The following GRK3 variants were observed in gnomAD, a reference collection of about 807,000 sequenced individuals.
GRK3 encodes the protein G protein-coupled receptor kinase 3.
A neutral mutation model predicts 95.7 loss-of-function variants in GRK3; 54 were observed. That is an observed-to-expected ratio of 0.56 (90% CI 0.45 to 0.71). The LOEUF is 0.71. Among genes scored for constraint, GRK3 ranks in the 30% least tolerant of loss-of-function variants. The pLI, the probability that GRK3 is intolerant of heterozygous loss-of-function variation, is 0.00. For missense variants in GRK3, 649 were observed against 851.2 expected, an observed-to-expected ratio of 0.76 and a Z score of 2.96; for synonymous variants, 281 against 290.8, an observed-to-expected ratio of 0.97 and a Z score of 0.34.
chr22:25,707,584 C>A (rs1756385003), intron 15 of GRK3, among the ~76,000 whole-genome samples: 1 of 152,024 alleles, frequency 6.6e-6, no homozygotes, highest in African/African-American at 2.4e-5. Context: ...CGAGGTGCCA[C>A]CTTATGAAGA....
intron 2 of GRK3, among the ~76,000 whole-genome samples, chr22:25,620,006 T>TTTTTTTTG (rs144086816): frequency 2.8e-4 from 25 of 90,320 alleles, no homozygotes; most frequent in African/African-American, 1.2e-3. Flanking sequence ...TTTGTCTTTT[T>TTTTTTTTG]TGTGTGTGTG....
intron 9 of GRK3, among the ~76,000 whole-genome samples, chr22:25,681,512 G>A (rs542036075): frequency 2.6e-5 from 4 of 152,122 alleles, no homozygotes; most frequent in Admixed American, 2.6e-4. Context: ...GGGGGGAGTC[G>A]TGCAAGACAA....
intron 13 of GRK3, among the ~76,000 whole-genome samples, chr22:25,700,093 C>T (rs1367348473): frequency 6.6e-6 from 1 of 152,220 alleles, no homozygotes; most frequent in African/African-American, 2.4e-5. Context: ...GTCTTTATCC[C>T]CTACAAGAAT....
At chr22:25,693,818 C>T (rs1244249379) in intron 12 of GRK3, among the ~76,000 whole-genome samples, 4 of 122,188 alleles carry the variant, frequency 3.3e-5, no homozygotes, top group Non-Finnish European at 6.6e-5. Context: ...TCACTCTTGT[C>T]GCCCAGGCTG....
At chr22:25,650,103 T>C (rs1427519914) in intron 3 of GRK3, among the ~76,000 whole-genome samples, 2 of 152,078 alleles carry the variant, frequency 1.3e-5, no homozygotes, top group African/African-American at 4.8e-5. Context: ...GTGATTCTCC[T>C]GCCTCAGCCT....
At chr22:25,688,056 G>A (rs984303282) in intron 11 of GRK3, among the ~76,000 whole-genome samples, 36 of 152,034 alleles carry the variant, frequency 2.4e-4, no homozygotes, top group Admixed American at 7.2e-4. Context: ...CTAACACAGT[G>A]AAACCCCGTC....
At chr22:25,588,184 T>C (rs970897202) in intron 1 of GRK3, among the ~76,000 whole-genome samples, 4 of 151,730 alleles carry the variant, frequency 2.6e-5, no homozygotes, top group Non-Finnish European at 5.9e-5. Context: ...TAAATTTATT[T>C]GTCATTCAGC....
intron 2 of GRK3, among the ~76,000 whole-genome samples, chr22:25,612,870 G>C (rs1373852104): frequency 6.7e-6 from 1 of 150,084 alleles, no homozygotes; most frequent in Admixed American, 6.6e-5. Context: ...AAAAATCTGA[G>C]CAGTTTCTAT....
At chr22:25,664,062 G>C (rs570796493) in intron 5 of GRK3, among the ~76,000 whole-genome samples, 1 of 152,304 alleles carries the variant, frequency 6.6e-6, no homozygotes, top group South Asian at 2.1e-4. Context: ...GTAGTGCCAG[G>C]CTGTTGATAC....
intron 9 of GRK3, among the ~76,000 whole-genome samples, chr22:25,679,852 G>A (rs186298676): frequency 3.9e-5 from 6 of 152,282 alleles, no homozygotes; most frequent in Admixed American, 3.9e-4. Flanking sequence ...TGAGAAATGT[G>A]CGAGACTTCT....
Position 25,564,788 on chromosome 22 carries a change from G to A in GRK3, c.-253G>A, listed in dbSNP as rs1931373421. On this transcript the variant is annotated 5_prime_UTR_variant, in exon 1 of 21. Transcript: ENST00000324198. ...TCGCTGAAGGAGCAGGGGGCGGCGCGCGTGCGCGGGGCGCCGGGCGGCGCG... is the reference window on the plus strand; with the variant it reads ...TCGCTGAAGGAGCAGGGGGCGGCGCACGTGCGCGGGGCGCCGGGCGGCGCG... 6.7e-6 allele frequency: 1 copy of A among 149,316 alleles called. No homozygotes were observed. The highest frequency in any genetic ancestry group is 1.5e-5 in the Non-Finnish European group (1 of 67,046). The allele number at this position is 149,316 out of a possible 1,614,324, so 9.2% of individuals were successfully genotyped here.
intron 6 of GRK3, among the ~76,000 whole-genome samples, chr22:25,670,788 T>C (rs2084974533): frequency 6.7e-6 from 1 of 148,846 alleles, no homozygotes; most frequent in Non-Finnish European, 1.5e-5. Flanking sequence ...GGAGGGTGGC[T>C]CACGCCTGTA....
At chr22:25,625,481 C>T (rs1198095755) in intron 2 of GRK3, among the ~76,000 whole-genome samples, 1 of 152,202 alleles carries the variant, frequency 6.6e-6, no homozygotes, top group African/African-American at 2.4e-5. Context: ...ATGCCCGTTG[C>T]CAGGCGGACC....
At chr22:25,683,404 A>G (rs943658507) in intron 9 of GRK3, among the ~76,000 whole-genome samples, 2 of 152,224 alleles carry the variant, frequency 1.3e-5, no homozygotes, top group African/African-American at 2.4e-5. Context: ...TGAAATCACT[A>G]TGTCAGAAAG....
In GRK3 at chr22:25,725,541, A is replaced by C. The variant is rs1244432693; in HGVS notation, c.*3091A>C. 1.5e-5 allele frequency: 6 copies of C among 398,352 alleles called. No homozygotes were observed. In the East Asian group the frequency reaches 2.1e-4, roughly 14 times the overall value. 24.7% of individuals were successfully genotyped at this position (398,352 alleles called of 1,614,324 possible). A position where few individuals can be genotyped will look rare whatever the true frequency, so the allele number is the denominator to read the frequency against. ...TCCTTCTTTGTCATATTTAAGTATGATTTTTCAACAAAACTTCTAGAAGTC... is the reference window on the plus strand; with the variant it reads ...TCCTTCTTTGTCATATTTAAGTATGCTTTTTCAACAAAACTTCTAGAAGTC... On this transcript the variant is annotated 3_prime_UTR_variant, in exon 21 of 21. Transcript: ENST00000324198.
intron 11 of GRK3, among the ~76,000 whole-genome samples, chr22:25,688,550 A>T (rs918780563): frequency 2.0e-5 from 3 of 152,220 alleles, no homozygotes; most frequent in Non-Finnish European, 4.4e-5. Flanking sequence ...AGATTGCCTT[A>T]AAAATCACTG....
chr22:25,636,200 C>CT (rs1371498911), intron 2 of GRK3, among the ~76,000 whole-genome samples: 3 of 152,144 alleles, frequency 2.0e-5, no homozygotes, highest in South Asian at 4.1e-4. Flanking sequence ...GCTCTAGTTG[C>CT]TTTTAATGGA....
At chr22:25,719,816 G>A (rs150088552) in intron 19 of GRK3, among the ~76,000 whole-genome samples, 20 of 152,256 alleles carry the variant, frequency 1.3e-4, no homozygotes, top group African/African-American at 4.8e-4. Flanking sequence ...GATCAGAAGT[G>A]TGGAAAACAG....
intron 15 of GRK3, among the ~76,000 whole-genome samples, chr22:25,708,920 C>G (rs369909282): frequency 2.8e-4 from 43 of 152,236 alleles, no homozygotes; most frequent in African/African-American, 9.4e-4. Flanking sequence ...CCTTGGCCTC[C>G]CAAAGTGCTA....
Sources: gnomAD v4.1 joint callset for allele counts (sites outside exome capture counted in the v4.1 genomes callset) on GRCh38, gnomAD v4.1.1 for gene constraint, MANE v1.5 for transcripts, NCBI Gene and HGNC (gene_info 2026-07-23, HGNC 2026-07-21) for gene names.